KCNJ15: variants seen among roughly 807,000 people sequenced by gnomAD.
The protein encoded by KCNJ15 is potassium inwardly rectifying channel subfamily J member 15, also known as ATP-sensitive inward rectifier potassium channel 15.
KCNJ15 carries 14 observed loss-of-function variants against 23.0 expected under a neutral mutation model. The ratio of observed to expected loss-of-function variants is 0.61; its 90% CI spans 0.40 to 0.95. KCNJ15 has a LOEUF of 0.95. KCNJ15 is among the 40% of genes least tolerant of loss of function. The probability of loss-of-function intolerance (pLI) is 0.00; values close to 1 mark genes in which losing one functional copy is unlikely to be tolerated. For synonymous variants in KCNJ15, 185 were observed against 183.2 expected, an observed-to-expected ratio of 1.01 and a Z score of -0.08; for missense variants, 388 against 461.8, an observed-to-expected ratio of 0.84 and a Z score of 1.46.
At chr21:38,276,039 A>G (rs143181432) in intron 1 of KCNJ15, among the ~76,000 whole-genome samples, 128 of 152,256 alleles carry the variant, frequency 8.4e-4, no homozygotes, top group African/African-American at 3.0e-3. Flanking sequence ...TAAGCAGCTT[A>G]CAGTCTTGCC....
Position 38,259,479 on chromosome 21 carries a change from G to A in KCNJ15, c.-117+2294G>A, listed in dbSNP as rs114624337. ...TGCAGCAATTCAAGCATTGCACCCC[G>A]GATTAAATCATGTATCTCTAAATAT... On this transcript the variant is annotated intron_variant, in intron 1 of 2. Coordinates refer to ENST00000398938, the MANE Select transcript of KCNJ15 (RefSeq NM_170736.3). Among the ~76,000 whole-genome samples the A allele has an allele frequency of 4.7e-3, 709 of 152,148 alleles. 5 individuals carry two copies. Among genetic ancestry groups the A allele is most frequent in the African/African-American group, 0.016 (673 of 41,534 alleles).
intron 1 of KCNJ15, among the ~76,000 whole-genome samples, chr21:38,269,666 G>A (rs1981877051): frequency 6.6e-6 from 1 of 152,214 alleles, no homozygotes; most frequent in African/African-American, 2.4e-5. Context: ...ATATGGGTGT[G>A]TGGGAAATCC....
Position 38,241,197 on chromosome 21 carries a change from G to A in KCNJ15, c.-398-15849G>A, listed in dbSNP as rs572887702. 9.2e-5 allele frequency among the ~76,000 whole-genome samples: 14 copies of A among 152,338 alleles called. 1 individual carries two copies. In the South Asian group the frequency reaches 2.7e-3, roughly 29 times the overall value. ...CTGTGGTTTTCCTGCCAGGCGGGGA[G>A]CCCTGTGTCACACAGGGTGGGTGCC... On this transcript the variant is annotated intron_variant, in intron 1 of 4. Transcript: ENST00000547341.
At chr21:38,243,598 T>G (rs1359400580) in intron 1 of KCNJ15, among the ~76,000 whole-genome samples, 2 of 152,154 alleles carry the variant, frequency 1.3e-5, no homozygotes, top group Non-Finnish European at 2.9e-5. Context: ...ATTTTTGTAT[T>G]TTTAGTAAAG....
At chr21:38,238,866 C>G (rs1978803033) in intron 1 of KCNJ15, among the ~76,000 whole-genome samples, 1 of 152,220 alleles carries the variant, frequency 6.6e-6, no homozygotes, top group Non-Finnish European at 1.5e-5. Flanking sequence ...TTTCAGTTCT[C>G]TCTTTAACCT....
intron 1 of KCNJ15, among the ~76,000 whole-genome samples, chr21:38,242,055 C>T (rs985048107): frequency 2.0e-4 from 31 of 151,502 alleles, no homozygotes; most frequent in South Asian, 1.2e-3. Context: ...GTTTGAAAAG[C>T]GGCTTTCCAC....
rs945490255 is a variant in KCNJ15, at chr21:38,300,292, C to T, written c.1031C>T (p.Ala344Val). 27 of 1,613,924 alleles carry T rather than the reference C, an allele frequency of 1.7e-5. No individual in the cohort carries two copies. Among genetic ancestry groups the T allele is most frequent in the Non-Finnish European group, 2.2e-5 (26 of 1,179,892 alleles). The change falls in exon 3 of 3, where the codon GCA (alanine) becomes GTA (valine). Residue 344 changes from alanine to valine, a missense_variant. By Grantham distance (64) the Ala-to-Val change is moderately conservative. Transcript: ENST00000398938. ...RKSPDCTFYCADSEKQQLEEK... is the reference protein window; with the variant it reads ...RKSPDCTFYCVDSEKQQLEEK... ...AGCCCAGATTGCACATTTTACTGTG[C>T]AGATTCTGAGAAACAGCAACTCGAG...
chr21:38,255,905 C>T (rs1160453128), upstream of KCNJ15, among the ~76,000 whole-genome samples: 1 of 152,178 alleles, frequency 6.6e-6, no homozygotes. Context: ...CACCGACATG[C>T]CTGGGCAGGG....
At chr21:38,262,585 A>G (rs1203946271) in intron 1 of KCNJ15, among the ~76,000 whole-genome samples, 1 of 152,166 alleles carries the variant, frequency 6.6e-6, no homozygotes, top group Non-Finnish European at 1.5e-5. Flanking sequence ...TATAATTTTG[A>G]CTTACAGTCA....
At chr21:38,256,524 A>G (rs968703176), upstream of KCNJ15, among the ~76,000 whole-genome samples, 8 of 151,950 alleles carry the variant, frequency 5.3e-5, no homozygotes, top group Admixed American at 3.3e-4. Context: ...TGATTCCACC[A>G]GGAGGCAAGA....
chr21:38,235,782 TAA>T (rs1305436658), intron 1 of KCNJ15, among the ~76,000 whole-genome samples: 1 of 152,230 alleles, frequency 6.6e-6, no homozygotes, highest in African/African-American at 2.4e-5. Context: ...GCAAAATTAC[TAA>T]GATACTGAGT....
chr21:38,258,416 C>T (rs930611511), intron 1 of KCNJ15, among the ~76,000 whole-genome samples: 2 of 152,208 alleles, frequency 1.3e-5, no homozygotes, highest in Non-Finnish European at 1.5e-5. Flanking sequence ...ACAGCTTCCC[C>T]GGGCGCTGTT....
intron 1 of KCNJ15, among the ~76,000 whole-genome samples, chr21:38,260,376 C>T (rs924456890): frequency 2.6e-5 from 4 of 152,158 alleles, no homozygotes; most frequent in Non-Finnish European, 5.9e-5. Flanking sequence ...TCAGAAACAT[C>T]TGTGCTGTTT....
At chr21:38,276,116 T>C (rs748763575) in intron 1 of KCNJ15, among the ~76,000 whole-genome samples, 2 of 151,932 alleles carry the variant, frequency 1.3e-5, no homozygotes, top group Non-Finnish European at 2.9e-5. Flanking sequence ...TGGGATACTG[T>C]TAAGGCATGA....
rs1012962774 is a variant in KCNJ15 at position 38,290,693 on chromosome 21, G to A, written c.-116-6233G>A. Among the ~76,000 whole-genome samples the A allele has an allele frequency of 1.4e-4, 22 of 152,180 alleles. 2 individuals carry two copies. The highest frequency in any genetic ancestry group is 9.2e-4 in the Admixed American group (14 of 15,290). ...GAGCCTGAGAGCCTGCATTTCTGAC[G>A]ATGGAGATGCTGCGGTTGGATGAGG... is the stretch of plus-strand genomic sequence containing the variant. On this transcript the variant is annotated intron_variant, in intron 1 of 2. Coordinates refer to ENST00000398938, the MANE Select transcript of KCNJ15 (RefSeq NM_170736.3).
At chr21:38,240,276 G>A (rs1978904563) in intron 1 of KCNJ15, among the ~76,000 whole-genome samples, 1 of 152,078 alleles carries the variant, frequency 6.6e-6, no homozygotes, top group Non-Finnish European at 1.5e-5. Context: ...AAACAAGGAG[G>A]AATTTGCAAA....
chr21:38,299,608 G>A lies in KCNJ15; in HGVS notation c.347G>A (p.Gly116Glu). 1 of 1,614,052 alleles carries A rather than the reference G, an allele frequency of 6.2e-7. No individual in the cohort carries two copies. Among genetic ancestry groups the A allele is most frequent in the Non-Finnish European group, 8.5e-7 (1 of 1,180,010 alleles). Residue 116 changes from glycine (G) to glutamate (E), a missense_variant, in exon 3 of 3, where the codon GGG (glycine) becomes GAG (glutamate). Gly to Glu is a moderately conservative substitution (Grantham distance 98, BLOSUM62 -2). Coordinates refer to ENST00000398938, the MANE Select transcript of KCNJ15 (RefSeq NM_170736.3). The surrounding 1 kb of genome is among the most constrained non-coding windows in gnomAD (Gnocchi z 4.5). ...PCIMKVDSLT[G>E]AFLFSLESQT... The stretch of plus-strand genomic sequence containing the variant: ...ATCATGAAAGTGGACTCTCTCACTG[G>A]GGCGTTTCTCTTTTCCCTGGAATCC...
rs759070366 is a variant in KCNJ15, at chr21:38,299,749, C to A, written c.488C>A (p.Thr163Asn). 5 of 1,614,008 alleles carry A rather than the reference C, an allele frequency of 3.1e-6. No individual in the cohort carries two copies. Among genetic ancestry groups the A allele is most frequent in the Admixed American group, 1.7e-5 (1 of 59,994 alleles). Residue 163 changes from threonine (T) to asparagine (N), a missense_variant, in exon 3 of 3, where the codon ACC (threonine) becomes AAC (asparagine). Transcript: ENST00000398938. The surrounding 1 kb of genome is among the most constrained non-coding windows in gnomAD (Gnocchi z 4.5). ...TTLIEIFITG[T>N]FLAKIARPKK... ...TTGATTGAGATCTTCATCACCGGAA[C>A]CTTCCTGGCCAAAATCGCCAGACCC...
At chr21:38,230,180 C>T (rs756449638) in intron 1 of KCNJ15, among the ~76,000 whole-genome samples, 3 of 151,928 alleles carry the variant, frequency 2.0e-5, no homozygotes, top group Non-Finnish European at 2.9e-5. Context: ...TGCATCCTTG[C>T]CAACACATGT....
Sources: gnomAD v4.1 joint callset for allele counts (sites outside exome capture counted in the v4.1 genomes callset) on GRCh38, gnomAD v4.1.1 for gene constraint, Gnocchi (gnomAD v3.1) non-coding constraint, MANE v1.5 for transcripts, NCBI Gene and HGNC (gene_info 2026-07-23, HGNC 2026-07-21) for gene names.